The following BAZ1A variants were observed in gnomAD, a reference collection of about 807,000 sequenced individuals.
BAZ1A encodes the protein bromodomain adjacent to zinc finger domain protein 1A.
A neutral mutation model predicts 185.2 loss-of-function variants in BAZ1A; 50 were observed. The ratio of observed to expected loss-of-function variants is 0.27; its 90% CI spans 0.22 to 0.34. The LOEUF (loss-of-function observed/expected upper bound fraction) is 0.34. BAZ1A is among the 10% of genes least tolerant of loss of function. The pLI is 1.00. For missense variants in BAZ1A, 1,356 were observed against 1,839.9 expected (o/e 0.74, Z 4.81); for synonymous variants, 571 against 615.6 (o/e 0.93, Z 1.07).
At chr14:34,787,259 A>T (rs545490332) in intron 12 of BAZ1A, among the ~76,000 whole-genome samples, 1 of 149,258 alleles carries the variant, frequency 6.7e-6, no homozygotes, top group South Asian at 2.2e-4. Flanking sequence ...AGGCTGAGGC[A>T]GGAGAATCAC....
chr14:34,806,365 G>A (rs1881856133), intron 6 of BAZ1A, among the ~76,000 whole-genome samples: 1 of 152,028 alleles, frequency 6.6e-6, no homozygotes, highest in African/African-American at 2.4e-5. Flanking sequence ...ACGTGTCATG[G>A]GGGTTCTGTT....
At chr14:34,811,252 C>T (rs1040575874) in intron 4 of BAZ1A, among the ~76,000 whole-genome samples, 1 of 152,114 alleles carries the variant, frequency 6.6e-6, no homozygotes, top group African/African-American at 2.4e-5. Context: ...TCAAACTATT[C>T]TCCTGCCTCA....
Position 34,874,895 on chromosome 14 carries a change from A to C in BAZ1A, c.-58-233T>G. Reference sequence around the variant, plus strand: ...TCCTCTCGTCCTGCCGCCGCCTCACAATGGGGCAGGACGCCCCGCCGCGGG... The same window carrying C: ...TCCTCTCGTCCTGCCGCCGCCTCACCATGGGGCAGGACGCCCCGCCGCGGG... On this transcript the variant is annotated intron_variant, in intron 1 of 26. Transcript: ENST00000360310. The surrounding 1 kb of genome is among the most constrained non-coding windows in gnomAD (Gnocchi z 4.7). The C allele has an allele frequency of 8.7e-6, 2 of 230,376 alleles. No individual in the cohort carries two copies. Among genetic ancestry groups the C allele is most frequent in the Non-Finnish European group, 1.7e-5 (2 of 118,436 alleles). 14.3% of individuals were successfully genotyped at this position (230,376 alleles called of 1,614,324 possible).
At chr14:34,845,114 T>G (rs2042488159) in intron 3 of BAZ1A, among the ~76,000 whole-genome samples, 1 of 152,172 alleles carries the variant, frequency 6.6e-6, no homozygotes. Flanking sequence ...ATGTGCCAAC[T>G]CCTGCTCGGA....
In BAZ1A at chr14:34,874,609, C is replaced by T. The variant is rs1317834433; in HGVS notation, c.-5G>A. The T allele has an allele frequency of 1.2e-6, 2 of 1,602,780 alleles. No homozygotes were observed. The highest frequency in any genetic ancestry group is 1.7e-6 in the Non-Finnish European group (2 of 1,174,548). Reference sequence around the variant, plus strand: ...CTTTCGGTGTAGCAGCGGCATCTCCCGTCCGCCCGCGGGCTCGCCTGGACC... The same window carrying T: ...CTTTCGGTGTAGCAGCGGCATCTCCTGTCCGCCCGCGGGCTCGCCTGGACC... On this transcript the variant is annotated 5_prime_UTR_variant, in exon 2 of 27. Coordinates refer to ENST00000360310, the MANE Select transcript of BAZ1A (RefSeq NM_013448.3). The surrounding 1 kb of genome is among the most constrained non-coding windows in gnomAD (Gnocchi z 4.7).
At chr14:34,848,357 G>C (rs1261999401) in intron 3 of BAZ1A, among the ~76,000 whole-genome samples, 2 of 152,078 alleles carry the variant, frequency 1.3e-5, no homozygotes, top group African/African-American at 4.8e-5. Flanking sequence ...TGTAATCCCA[G>C]AACTTTGAGA....
Position 34,776,073 on chromosome 14 carries a change from G to A in BAZ1A, c.2679C>T (p.Cys893=), listed in dbSNP as rs1297636004. 4.3e-6 allele frequency: 7 copies of A among 1,614,040 alleles called. No homozygotes were observed. In the South Asian group the frequency reaches 6.6e-5, roughly 15 times the overall value. Residue 893 remains cysteine (C), a synonymous_variant, in exon 18 of 27, where the codon TGC becomes TGT. Transcript: ENST00000360310. ...PKPVHKPNRW[C]FYSSCEQLDQ... ...CTAGCTGTTCACAAGAACTGTAAAA[G>A]CACCACCGATTTGGCTTATGCACTG...
chr14:34,792,371 G>A (rs574869126), intron 12 of BAZ1A, among the ~76,000 whole-genome samples: 2 of 148,574 alleles, frequency 1.3e-5, no homozygotes, highest in South Asian at 2.1e-4. Flanking sequence ...GCAACAGAGC[G>A]AAACTCCATC....
intron 4 of BAZ1A, among the ~76,000 whole-genome samples, chr14:34,817,400 C>G (rs930053101): frequency 3.3e-5 from 5 of 152,126 alleles, no homozygotes; most frequent in African/African-American, 1.2e-4. Context: ...CCAGCCTGGC[C>G]AACATGGCAA....
At chr14:34,788,079 C>T (rs980012765) in intron 12 of BAZ1A, among the ~76,000 whole-genome samples, 15 of 147,302 alleles carry the variant, frequency 1.0e-4, no homozygotes, top group Middle Eastern at 4.0e-3. Flanking sequence ...AGTGCAGTGG[C>T]GCAGTCTTGG....
At chr14:34,827,968 C>A (rs753441457) in intron 3 of BAZ1A, among the ~76,000 whole-genome samples, 17 of 151,784 alleles carry the variant, frequency 1.1e-4, no homozygotes, top group African/African-American at 3.9e-4. Flanking sequence ...TTTTATGGGC[C>A]ATGATTTTAG....
At chr14:34,756,822 G>T (rs1641322877) in intron 25 of BAZ1A, among the ~76,000 whole-genome samples, 1 of 152,038 alleles carries the variant, frequency 6.6e-6, no homozygotes, top group African/African-American at 2.4e-5. Flanking sequence ...AGGACCATCA[G>T]CATCATCTGG....
intron 12 of BAZ1A, among the ~76,000 whole-genome samples, chr14:34,788,651 C>CA (rs373950780): frequency 6.0e-5 from 9 of 149,292 alleles, no homozygotes; most frequent in East Asian, 2.0e-4. Flanking sequence ...CAAATTCTTC[C>CA]AAAAAAAAAA....
At position 34,771,670 on chromosome 14, in the gene BAZ1A, A is replaced by G. The variant is rs201540701; in HGVS notation, c.3153-11T>C. 1 of 1,609,840 alleles carries G rather than the reference A, an allele frequency of 6.2e-7. No homozygotes were observed. Among genetic ancestry groups the G allele is most frequent in the East Asian group, 2.2e-5 (1 of 44,846 alleles). ...TTTATCCCCAAAAGTCTACAATTAA[A>G]ACAATTAAGAGTTTATGGTACTTAA... is the stretch of plus-strand genomic sequence containing the variant. On this transcript the variant is annotated splice_polypyrimidine_tract_variant and intron_variant, in intron 20 of 26. Coordinates refer to ENST00000360310, the MANE Select transcript of BAZ1A (RefSeq NM_013448.3).
chr14:34,783,090 G>T, intron 16 of BAZ1A, 29 bp downstream of exon 16: 1 of 1,464,034 alleles, frequency 6.8e-7, no homozygotes, highest in Non-Finnish European at 9.5e-7. Context: ...GTATGGTAAA[G>T]CAGATGAACA....
intron 3 of BAZ1A, among the ~76,000 whole-genome samples, chr14:34,858,268 T>C (rs533966095): frequency 5.9e-5 from 9 of 152,154 alleles, no homozygotes; most frequent in Admixed American, 2.6e-4. Flanking sequence ...AAAAAAAAAT[T>C]TTTTTTTGAG....
chr14:34,874,823 G>T lies in BAZ1A; in HGVS notation c.-58-161C>A. On this transcript the variant is annotated intron_variant, in intron 1 of 26. Coordinates refer to ENST00000360310, the MANE Select transcript of BAZ1A (RefSeq NM_013448.3). This position sits in a 1 kb window ranked among gnomAD's most constrained non-coding sequence, Gnocchi z 4.7. ...TCGTTCCTGCCGCTGCCCGGGTGTC[G>T]AGCGAGCGGAGCCGCCGCCGCCCCT... 1 of 459,054 alleles carries T rather than the reference G, an allele frequency of 2.2e-6. No homozygotes were observed. The highest frequency in any genetic ancestry group is 3.8e-6 in the Non-Finnish European group (1 of 261,012). The allele number at this position is 459,054 out of a possible 1,614,324, so 28.4% of individuals were successfully genotyped here.
At chr14:34,826,883 A>G (rs2042172169) in intron 3 of BAZ1A, among the ~76,000 whole-genome samples, 1 of 152,192 alleles carries the variant, frequency 6.6e-6, no homozygotes, top group African/African-American at 2.4e-5. Flanking sequence ...TTCTCCCTCA[A>G]TGGGAGCAGG....
chr14:34,788,013 G>A (rs1031458503), intron 12 of BAZ1A, among the ~76,000 whole-genome samples: 7 of 151,520 alleles, frequency 4.6e-5, no homozygotes, highest in Admixed American at 1.3e-4. Flanking sequence ...TTAATCTGGG[G>A]TTCATTTTTG....
Sources: gnomAD v4.1 joint callset for allele counts (sites outside exome capture counted in the v4.1 genomes callset) on GRCh38, gnomAD v4.1.1 for gene constraint, Gnocchi (gnomAD v3.1) non-coding constraint, MANE v1.5 for transcripts, NCBI Gene and HGNC (gene_info 2026-07-23, HGNC 2026-07-21) for gene names.